CSTA: variants seen among roughly 807,000 people sequenced by gnomAD.
CSTA encodes cystatin A, also known as cystatin-A.
A neutral mutation model predicts 9.2 loss-of-function variants in CSTA; 9 were observed. The ratio of observed to expected loss-of-function variants is 0.97; its 90% confidence interval spans 0.59 to 1.70. CSTA has a LOEUF of 1.70. Ranked by LOEUF, CSTA falls within the 40% of genes most tolerant of loss-of-function variation. The pLI, the probability that CSTA is intolerant of heterozygous loss-of-function variation, is 0.00. For synonymous variants in CSTA, 36 were observed against 40.6 expected, an observed-to-expected ratio of 0.89 and a Z score of 0.43; for missense variants, 118 against 113.1, an observed-to-expected ratio of 1.04 and a Z score of -0.20.
intron 1 of CSTA, 104 bp from the exon 2 acceptor site, chr3:122,337,443 C>T: frequency 3.1e-5 from 22 of 719,690 alleles, no homozygotes; most frequent in South Asian, 8.3e-5. Flanking sequence ...ATTTCATTAC[C>T]ATCTTTGAAG....
chr3:122,333,231 C>G (rs892477752), intron 1 of CSTA, among the ~76,000 whole-genome samples: 3 of 152,142 alleles, frequency 2.0e-5, no homozygotes, highest in African/African-American at 4.8e-5. Flanking sequence ...AAACTTAGGG[C>G]CAGGCATGGG....
intron 2 of CSTA, among the ~76,000 whole-genome samples, chr3:122,340,944 A>T (rs1559983414): frequency 6.8e-6 from 1 of 147,364 alleles, no homozygotes. Context: ...TTAGTCTACA[A>T]TTTTTTTTTT....
intron 2 of CSTA, among the ~76,000 whole-genome samples, chr3:122,339,501 CTG>C (rs2075253667): frequency 6.6e-6 from 1 of 152,176 alleles, no homozygotes; most frequent in Admixed American, 6.5e-5. Context: ...CCCAGATAGA[CTG>C]AGCTTAACTA....
intron 1 of CSTA, among the ~76,000 whole-genome samples, chr3:122,326,686 G>A (rs1279606000): frequency 6.6e-6 from 1 of 152,062 alleles, no homozygotes; most frequent in African/African-American, 2.4e-5. Context: ...CTTTTTTCCT[G>A]GGAGATGATA....
At chr3:122,327,147 A>C (rs1042979595) in intron 1 of CSTA, among the ~76,000 whole-genome samples, 26 of 152,010 alleles carry the variant, frequency 1.7e-4, no homozygotes, top group Non-Finnish European at 3.5e-4. Flanking sequence ...CTGAGGCAGG[A>C]GAATTACTTG....
At chr3:122,334,109 G>C (rs768095155) in intron 1 of CSTA, among the ~76,000 whole-genome samples, 18 of 152,064 alleles carry the variant, frequency 1.2e-4, no homozygotes, top group Non-Finnish European at 2.4e-4. Context: ...TCCTTTCTCC[G>C]CTCTCCTGCC....
chr3:122,341,312 G>A, intron 2 of CSTA, 127 bp from the exon 3 acceptor site: 2 of 921,376 alleles, frequency 2.2e-6, no homozygotes, highest in Non-Finnish European at 3.5e-6. Flanking sequence ...TGGTGGACTA[G>A]GTCTAGCAAT....
chr3:122,326,804 C>T lies in CSTA; in HGVS notation c.66+1446C>T, dbSNP rs547427925. Among the ~76,000 whole-genome samples, 5 of 152,340 alleles carry T rather than the reference C, an allele frequency of 3.3e-5. No individual in the cohort carries two copies. The South Asian group carries it at 1.0e-3, about 32-fold the overall frequency. ...TCTTGATAAACCTTAGATTCTGATT[C>T]AGGGGACCTGGGGTAGGTCTGAGAT... On this transcript the variant is annotated intron_variant, in intron 1 of 2. Coordinates refer to ENST00000264474, the MANE Select transcript of CSTA (RefSeq NM_005213.4).
chr3:122,338,499 C>A (rs1355830019), intron 2 of CSTA, among the ~76,000 whole-genome samples: 18 of 140,142 alleles, frequency 1.3e-4, no homozygotes, highest in East Asian at 1.0e-3. Context: ...ATTTTTTCAG[C>A]AAAAAAAAAA....
At chr3:122,339,679 C>T (rs1408326875) in intron 2 of CSTA, among the ~76,000 whole-genome samples, 3 of 152,118 alleles carry the variant, frequency 2.0e-5, no homozygotes, top group African/African-American at 7.2e-5. Flanking sequence ...ATAGCAAGAC[C>T]CTGCCTCTAC....
rs111666574 is a variant in CSTA, at chr3:122,337,544, T to C, written c.67-3T>C. ...TATTTGTTTCCTCTTTTCTTTTCTT[T>C]AGGTTAAACCACAGCTTGAAGAAAA... On this transcript the variant is annotated splice_polypyrimidine_tract_variant and splice_region_variant and intron_variant, in intron 1 of 2. Transcript: ENST00000264474. The C allele has an allele frequency of 2.5e-6, 4 of 1,593,436 alleles. No homozygotes were observed. In the Admixed American group the frequency reaches 5.0e-5, roughly 20 times the overall value.
chr3:122,331,107 ACAC>A (rs2075202160), intron 1 of CSTA, among the ~76,000 whole-genome samples: 1 of 45,190 alleles, frequency 2.2e-5, no homozygotes, highest in Non-Finnish European at 5.3e-5. Context: ...CACAACAAAC[ACAC>A]ACACACACAC....
At position 122,328,969 on chromosome 3, in the gene CSTA, A is replaced by G. The variant is rs553362917; in HGVS notation, c.66+3611A>G. Among the ~76,000 whole-genome samples, 310 of 148,132 alleles carry G rather than the reference A, an allele frequency of 2.1e-3. 1 individual carries two copies. The highest frequency in any genetic ancestry group is 3.9e-3 in the Non-Finnish European group (259 of 67,172). On this transcript the variant is annotated intron_variant, in intron 1 of 2. Coordinates refer to ENST00000264474, the MANE Select transcript of CSTA (RefSeq NM_005213.4). The stretch of plus-strand genomic sequence containing the variant: ...AAGTAAAAAAAAATTAAAAATTTAA[A>G]ATTTAATTTTTTTTTTGACGGAATC...
intron 1 of CSTA, among the ~76,000 whole-genome samples, chr3:122,326,151 T>C (rs908554868): frequency 1.3e-5 from 2 of 152,176 alleles, no homozygotes; most frequent in African/African-American, 4.8e-5. Context: ...CCTGAGTAGC[T>C]GGGATTACAG....
At chr3:122,332,198 C>T (rs1352075052) in intron 1 of CSTA, among the ~76,000 whole-genome samples, 1 of 152,138 alleles carries the variant, frequency 6.6e-6, no homozygotes, top group Middle Eastern at 3.2e-3. Flanking sequence ...TAAGAAAATG[C>T]CCCAGCTGAC....
intron 2 of CSTA, among the ~76,000 whole-genome samples, chr3:122,340,455 C>A (rs1219771062): frequency 6.6e-6 from 1 of 152,176 alleles, no homozygotes; most frequent in Non-Finnish European, 1.5e-5. Context: ...CAGATGTGCA[C>A]CACCACACCC....
At position 122,336,242 on chromosome 3, in the gene CSTA, T is replaced by A. The variant is rs536651774; in HGVS notation, c.67-1305T>A. ...AGGGACTCCTTGGAGAAATAGTTGA[T>A]TCCAGTGAGGAGGCAAGGAAACTTC... On this transcript the variant is annotated intron_variant, in intron 1 of 2. Transcript: ENST00000264474. 8.5e-5 allele frequency among the ~76,000 whole-genome samples: 13 copies of A among 152,290 alleles called. 1 individual carries two copies. Among genetic ancestry groups the A allele is most frequent in the Admixed American group, 7.8e-4 (12 of 15,308 alleles).
At chr3:122,333,296 A>G (rs2107666682) in intron 1 of CSTA, among the ~76,000 whole-genome samples, 1 of 152,340 alleles carries the variant, frequency 6.6e-6, no homozygotes, top group East Asian at 1.9e-4. Context: ...GGATCACCTG[A>G]GGCCAGGAGT....
At chr3:122,336,384 G>A (rs780600043) in intron 1 of CSTA, among the ~76,000 whole-genome samples, 7 of 152,062 alleles carry the variant, frequency 4.6e-5, no homozygotes, top group Non-Finnish European at 8.8e-5. Context: ...AGCTCCCAAC[G>A]GCCAAATCTA....
Sources: allele counts gnomAD v4.1 joint callset (sites outside exome capture counted in the v4.1 genomes callset), GRCh38; gene constraint gnomAD v4.1.1; transcripts MANE v1.5; gene names NCBI Gene and HGNC (gene_info 2026-07-23, HGNC 2026-07-21).